The following NTNG1 variants were observed in gnomAD, a reference collection of about 807,000 sequenced individuals.
NTNG1 encodes the protein netrin G1.
NTNG1 carries 16 observed loss-of-function variants against 54.0 expected under a neutral mutation model. The observed-to-expected ratio is 0.30, with a 90% CI of 0.20 to 0.45. The LOEUF (loss-of-function observed/expected upper bound fraction) is 0.45. NTNG1 is among the 20% of genes least tolerant of loss of function. The pLI is 1.00. For missense variants in NTNG1, 530 were observed against 678.7 expected, an observed-to-expected ratio of 0.78 and a Z score of 2.43; for synonymous variants, 255 against 263.1, an observed-to-expected ratio of 0.97 and a Z score of 0.30.
chr1:107,210,202 A>C (rs1192846881), intron 2 of NTNG1, among the ~76,000 whole-genome samples: 2 of 152,204 alleles, frequency 1.3e-5, no homozygotes, highest in Non-Finnish European at 2.9e-5. Context: ...TACCCTGAAC[A>C]CAATAATAAA....
intron 2 of NTNG1, among the ~76,000 whole-genome samples, chr1:107,247,078 T>A (rs1662252531): frequency 6.6e-6 from 1 of 152,216 alleles, no homozygotes; most frequent in African/African-American, 2.4e-5. Flanking sequence ...AGGAGACCAC[T>A]GTGAGGCTCT....
At chr1:107,317,115 T>G (rs1050488970) in intron 2 of NTNG1, among the ~76,000 whole-genome samples, 1 of 152,156 alleles carries the variant, frequency 6.6e-6, no homozygotes, top group African/African-American at 2.4e-5. Context: ...AAAAAAACTT[T>G]TCGAACATCA....
chr1:107,271,179 T>G (rs1664120168), intron 2 of NTNG1, among the ~76,000 whole-genome samples: 1 of 152,228 alleles, frequency 6.6e-6, no homozygotes, highest in African/African-American at 2.4e-5. Context: ...CCAAACTATA[T>G]TTTAATTGAT....
chr1:107,474,161 G>C (rs546260917), intron 7 of NTNG1, among the ~76,000 whole-genome samples: 1 of 152,286 alleles, frequency 6.6e-6, no homozygotes, highest in East Asian at 1.9e-4. Flanking sequence ...ACTGGATCAA[G>C]TGTTGTATAA....
chr1:107,165,000 A>T (rs1655673421), intron 2 of NTNG1, among the ~76,000 whole-genome samples: 1 of 152,242 alleles, frequency 6.6e-6, no homozygotes. Flanking sequence ...TAAAGAGAGC[A>T]GGGATACGAG....
chr1:107,479,689 C>T (rs1351009889), intron 7 of NTNG1, among the ~76,000 whole-genome samples: 1 of 152,034 alleles, frequency 6.6e-6, no homozygotes, highest in Non-Finnish European at 1.5e-5. Flanking sequence ...CAGTGATTAT[C>T]TAAAAGAATA....
chr1:107,411,631 A>G (rs903742741), intron 5 of NTNG1, among the ~76,000 whole-genome samples: 1 of 152,172 alleles, frequency 6.6e-6, no homozygotes, highest in Non-Finnish European at 1.5e-5. Flanking sequence ...AATCCCCCAA[A>G]TAAAAGTTTC....
At chr1:107,393,288 GGT>G (rs887728716) in intron 3 of NTNG1, among the ~76,000 whole-genome samples, 1 of 151,970 alleles carries the variant, frequency 6.6e-6, no homozygotes, top group Admixed American at 6.6e-5. Context: ...AGTATAAGCT[GGT>G]GCTTCTATCA....
intron 1 of NTNG1, among the ~76,000 whole-genome samples, chr1:107,144,567 A>G (rs1653971260): frequency 6.6e-6 from 1 of 152,088 alleles, no homozygotes; most frequent in African/African-American, 2.4e-5. Context: ...CTTCCATGTA[A>G]TATTTTGGGA....
At chr1:107,195,987 C>G (rs1658290029) in intron 2 of NTNG1, among the ~76,000 whole-genome samples, 1 of 145,452 alleles carries the variant, frequency 6.9e-6, no homozygotes, top group Admixed American at 6.6e-5. Context: ...ATCTCCCCTC[C>G]TAGAATGTAA....
Position 107,480,788 on chromosome 1 carries a change from C to T in NTNG1, c.1568C>T (p.Ala523Val). The part of the protein sequence containing the change: ...GQGAPPHGSP[A>V]LLLLTTLLGT... ...GGCGCGCCCCCGCACGGCTCCCCAG[C>T]GCTGCTGCTGCTGACCACGCTGCTG... is the stretch of plus-strand genomic sequence containing the variant. Residue 523 changes from alanine (A) to valine (V), a missense_variant, in exon 8 of 8, where the codon GCG (alanine) becomes GTG (valine). Ala to Val is a moderately conservative substitution (Grantham distance 64). Coordinates refer to ENST00000370068, the MANE Select transcript of NTNG1 (RefSeq NM_001113226.3). 1 of 1,595,638 alleles carries T rather than the reference C, an allele frequency of 6.3e-7. No individual in the cohort carries two copies. The highest frequency in any genetic ancestry group is 8.5e-7 in the Non-Finnish European group (1 of 1,172,322).
At chr1:107,312,379 G>T (rs1667068260) in intron 2 of NTNG1, among the ~76,000 whole-genome samples, 1 of 152,232 alleles carries the variant, frequency 6.6e-6, no homozygotes, top group Non-Finnish European at 1.5e-5. Context: ...TAATTATTGA[G>T]CACTGACTAC....
At chr1:107,429,713 T>C (rs1675135334) in intron 5 of NTNG1, among the ~76,000 whole-genome samples, 1 of 152,178 alleles carries the variant, frequency 6.6e-6, no homozygotes, top group South Asian at 2.1e-4. Context: ...TCATATTCCA[T>C]GAAGACAAAA....
intron 2 of NTNG1, among the ~76,000 whole-genome samples, chr1:107,180,226 T>G (rs1656967568): frequency 6.6e-6 from 1 of 152,174 alleles, no homozygotes; most frequent in African/African-American, 2.4e-5. Context: ...ATATTTTAGA[T>G]ACGTATGGAG....
intron 2 of NTNG1, among the ~76,000 whole-genome samples, chr1:107,263,977 TATC>T (rs1245418732): frequency 6.6e-6 from 1 of 152,236 alleles, no homozygotes; most frequent in Admixed American, 6.5e-5. Context: ...TTATGGTTCT[TATC>T]ATAGTTTGTT....
intron 2 of NTNG1, among the ~76,000 whole-genome samples, chr1:107,287,970 G>A (rs1019515837): frequency 6.6e-6 from 1 of 152,104 alleles, no homozygotes; most frequent in African/African-American, 2.4e-5. Flanking sequence ...GGAGAATTTT[G>A]AGCATGCAAA....
intron 1 of NTNG1, among the ~76,000 whole-genome samples, chr1:107,146,730 G>A (rs1034291286): frequency 2.0e-5 from 3 of 151,896 alleles, no homozygotes; most frequent in African/African-American, 7.2e-5. Context: ...TGAATATAAT[G>A]AAAATTGCAC....
At chr1:107,417,878 C>A (rs1025365176) in intron 5 of NTNG1, among the ~76,000 whole-genome samples, 2 of 152,000 alleles carry the variant, frequency 1.3e-5, no homozygotes, top group African/African-American at 4.8e-5. Flanking sequence ...TAAATAATAC[C>A]AGTTCTTAAA....
chr1:107,259,123 T>C (rs964948465), intron 2 of NTNG1, among the ~76,000 whole-genome samples: 1 of 152,286 alleles, frequency 6.6e-6, no homozygotes, highest in African/African-American at 2.4e-5. Context: ...AATGGTTGGG[T>C]TTAAAAATCA....
Sources: allele counts gnomAD v4.1 joint callset (sites outside exome capture counted in the v4.1 genomes callset), GRCh38; gene constraint gnomAD v4.1.1; transcripts MANE v1.5; gene names NCBI Gene and HGNC (gene_info 2026-07-23, HGNC 2026-07-21).